RPS6KA5: variants seen among roughly 807,000 people sequenced by gnomAD.
RPS6KA5 encodes the protein ribosomal protein S6 kinase A5.
A neutral mutation model predicts 85.5 loss-of-function variants in RPS6KA5; 27 were observed. The ratio of observed to expected loss-of-function variants is 0.32; its 90% CI spans 0.23 to 0.44. The LOEUF is 0.44. Ranked by LOEUF, RPS6KA5 falls within the 20% of genes least tolerant of loss-of-function variation. The probability of loss-of-function intolerance (pLI) is 1.00; values close to 1 mark genes in which losing one functional copy is unlikely to be tolerated. For synonymous variants in RPS6KA5, 334 were observed against 348.2 expected (o/e 0.96, Z 0.46); for missense variants, 811 against 980.9 (o/e 0.83, Z 2.31).
At chr14:90,998,233 C>T (rs1362460196) in intron 2 of RPS6KA5, among the ~76,000 whole-genome samples, 1 of 152,012 alleles carries the variant, frequency 6.6e-6, no homozygotes, top group Non-Finnish European at 1.5e-5. Context: ...GCATTAATAG[C>T]TAAAGGGTTC....
At chr14:90,955,778 T>C (rs1045206379) in intron 3 of RPS6KA5, among the ~76,000 whole-genome samples, 1 of 152,206 alleles carries the variant, frequency 6.6e-6, no homozygotes, top group African/African-American at 2.4e-5. Context: ...GGGTCTTCTG[T>C]TTCCTTGCTG....
chr14:90,931,277 T>A (rs2036963150), intron 5 of RPS6KA5, among the ~76,000 whole-genome samples: 1 of 152,078 alleles, frequency 6.6e-6, no homozygotes, highest in Non-Finnish European at 1.5e-5. Flanking sequence ...AGTGAAATAG[T>A]CACAAAAATA....
At chr14:90,998,615 T>C (rs1262379968) in intron 2 of RPS6KA5, among the ~76,000 whole-genome samples, 2 of 152,182 alleles carry the variant, frequency 1.3e-5, no homozygotes, top group Non-Finnish European at 2.9e-5. Context: ...GGGTATTATT[T>C]TGATATTTTG....
intron 1 of RPS6KA5, among the ~76,000 whole-genome samples, chr14:91,039,632 G>C (rs1051993742): frequency 6.6e-5 from 10 of 152,172 alleles, no homozygotes; most frequent in African/African-American, 2.4e-4. Context: ...ACTAAGCCTT[G>C]GAGGAGTCAA....
chr14:90,954,002 T>TTTTCTAACACCCCCTCCCC (rs2038370075), intron 3 of RPS6KA5, among the ~76,000 whole-genome samples: 1 of 152,200 alleles, frequency 6.6e-6, no homozygotes, highest in Non-Finnish European at 1.5e-5. Context: ...ACCTACTCCC[T>TTTTCTAACACCCCCTCCCC]TTTCTAACAC....
chr14:90,879,945 A>G lies in RPS6KA5; in HGVS notation c.1837-4585T>C, dbSNP rs564435597. On this transcript the variant is annotated intron_variant, in intron 14 of 16. Transcript: ENST00000614987. ...ATTACAGGCGCCTGCCACCATGCCC[A>G]GCTAACTTTTGTGTTTTTAGTAGAG... 2.8e-3 allele frequency among the ~76,000 whole-genome samples: 418 copies of G among 151,926 alleles called. 1 individual carries two copies. The highest frequency in any genetic ancestry group is 4.8e-3 in the Non-Finnish European group (326 of 67,940).
intron 1 of RPS6KA5, among the ~76,000 whole-genome samples, chr14:91,004,973 A>C (rs945797524): frequency 1.3e-5 from 2 of 151,906 alleles, no homozygotes; most frequent in African/African-American, 4.8e-5. Context: ...CCGTCTCAAA[A>C]AAAAAAACAA....
At chr14:90,974,546 A>T (rs1271372477) in intron 3 of RPS6KA5, among the ~76,000 whole-genome samples, 1 of 152,232 alleles carries the variant, frequency 6.6e-6, no homozygotes, top group African/African-American at 2.4e-5. Context: ...TGTGAGTTCC[A>T]GTGTCCAGGC....
intron 1 of RPS6KA5, among the ~76,000 whole-genome samples, chr14:91,002,470 A>T (rs2040832591): frequency 6.6e-6 from 1 of 152,158 alleles, no homozygotes; most frequent in Admixed American, 6.5e-5. Flanking sequence ...AATCAAATTT[A>T]TATGGTGCTT....
chr14:90,901,784 A>G (rs2035183774), intron 9 of RPS6KA5, among the ~76,000 whole-genome samples: 1 of 152,184 alleles, frequency 6.6e-6, no homozygotes, highest in African/African-American at 2.4e-5. Context: ...CTTGTGTGAC[A>G]AATGCCCTTT....
chr14:90,884,594 T>C (rs181178622), intron 14 of RPS6KA5, among the ~76,000 whole-genome samples: 19 of 152,328 alleles, frequency 1.2e-4, no homozygotes, highest in African/African-American at 3.8e-4. Flanking sequence ...AAACTTTCAA[T>C]GGACTTCAGA....
intron 1 of RPS6KA5, among the ~76,000 whole-genome samples, chr14:91,021,201 A>G (rs1259934323): frequency 1.3e-5 from 2 of 152,226 alleles, no homozygotes; most frequent in African/African-American, 2.4e-5. Context: ...TATAATGGTT[A>G]CAATGGAGTA....
chr14:90,899,994 C>A, intron 11 of RPS6KA5, 114 bp downstream of exon 11: 1 of 871,178 alleles, frequency 1.1e-6, no homozygotes, highest in Admixed American at 3.5e-5. Flanking sequence ...GTGGTTAAAC[C>A]TTTGGGTAAG....
intron 5 of RPS6KA5, among the ~76,000 whole-genome samples, chr14:90,940,264 G>C (rs967567601): frequency 9.9e-5 from 15 of 151,990 alleles, no homozygotes; most frequent in Non-Finnish European, 5.9e-5. Flanking sequence ...AGTAAATAAG[G>C]GCGCCTACTA....
chr14:91,001,077 T>C lies in RPS6KA5; in HGVS notation c.175+11A>G. 6.7e-7 allele frequency: 1 copy of C among 1,491,266 alleles called. No homozygotes were observed. The highest frequency in any genetic ancestry group is 1.9e-5 in the Admixed American group (1 of 53,932). The allele number at this position is 1,491,266 out of a possible 1,614,324, so 92.4% of individuals were successfully genotyped here. A position where few individuals can be genotyped will look rare whatever the true frequency, so the allele number is the denominator to read the frequency against. Reference sequence around the variant, plus strand: ...TTTTTTTTCCTTAAATATAATTAACTTAAGACTTACCTCCAGTTCCTAGGA... The same window carrying C: ...TTTTTTTTCCTTAAATATAATTAACCTAAGACTTACCTCCAGTTCCTAGGA... On this transcript the variant is annotated intron_variant, in intron 2 of 16. Coordinates refer to ENST00000614987, the MANE Select transcript of RPS6KA5 (RefSeq NM_004755.4).
intron 14 of RPS6KA5, among the ~76,000 whole-genome samples, chr14:90,881,042 C>A (rs903652234): frequency 6.6e-6 from 1 of 151,884 alleles, no homozygotes. Flanking sequence ...ACTATGTTGT[C>A]CAGGCTAGTC....
intron 1 of RPS6KA5, among the ~76,000 whole-genome samples, chr14:91,012,511 G>T (rs1418206782): frequency 2.0e-5 from 3 of 152,052 alleles, no homozygotes; most frequent in African/African-American, 7.2e-5. Flanking sequence ...GTTACATTGG[G>T]CTTACCAGCC....
At chr14:91,038,744 T>C (rs1441683581) in intron 1 of RPS6KA5, among the ~76,000 whole-genome samples, 1 of 152,228 alleles carries the variant, frequency 6.6e-6, no homozygotes, top group Non-Finnish European at 1.5e-5. Flanking sequence ...GCTTCACTTC[T>C]GTCTTCCAAA....
rs1296991228 is a variant in RPS6KA5 at position 90,871,211 on chromosome 14, T to C, written c.*863A>G. 1.3e-5 allele frequency: 2 copies of C among 152,566 alleles called. No homozygotes were observed. Among genetic ancestry groups the C allele is most frequent in the African/African-American group, 4.8e-5 (2 of 41,448 alleles). The allele number at this position is 152,566 out of a possible 1,614,324, so 9.5% of individuals were successfully genotyped here. On this transcript the variant is annotated 3_prime_UTR_variant, in exon 17 of 17. Coordinates refer to ENST00000614987, the MANE Select transcript of RPS6KA5 (RefSeq NM_004755.4). ...TGTTGCATACAAAGTAGAAGAGGAA[T>C]GTGAGGACAAATTTAAAGTAGAAAA...
Sources: gnomAD v4.1 joint callset for allele counts (sites outside exome capture counted in the v4.1 genomes callset) on GRCh38, gnomAD v4.1.1 for gene constraint, MANE v1.5 for transcripts, NCBI Gene and HGNC (gene_info 2026-07-23, HGNC 2026-07-21) for gene names.